SH3BGRL2: variants seen among roughly 807,000 people sequenced by gnomAD.
The protein encoded by SH3BGRL2 is SH3 domain-binding glutamic acid-rich-like protein 2.
In SH3BGRL2, 21 loss-of-function variants were observed where a neutral mutation model predicts 14.8. The ratio of observed to expected loss-of-function variants is 1.42; its 90% CI spans 1.01 to 2.05. SH3BGRL2 has a LOEUF of 2.05. Ranked by LOEUF, SH3BGRL2 falls within the 30% of genes most tolerant of loss-of-function variation. The pLI, the probability that SH3BGRL2 is intolerant of heterozygous loss-of-function variation, is 0.00. For missense variants in SH3BGRL2, 147 were observed against 130.8 expected (o/e 1.12, Z -0.61); for synonymous variants, 50 against 47.8 (o/e 1.05, Z -0.19).
the SH3BGRL2 span, among the ~76,000 whole-genome samples, chr6:79,624,277 CAT>C: frequency 6.7e-6 from 1 of 149,374 alleles, no homozygotes; most frequent in African/African-American, 2.4e-5. Context: ...TATAGTATAT[CAT>C]ATATATATCA....
At chr6:79,555,269 G>A in the SH3BGRL2 span, among the ~76,000 whole-genome samples, 2 of 152,068 alleles carry the variant, frequency 1.3e-5, no homozygotes, top group African/African-American at 4.8e-5. Context: ...AGCCAACATA[G>A]CAAAACTCCG....
chr6:79,662,927 C>T (rs939014817), intron 1 of SH3BGRL2, among the ~76,000 whole-genome samples: 1 of 152,188 alleles, frequency 6.6e-6, no homozygotes, highest in Admixed American at 6.5e-5. Flanking sequence ...CTTTCTTCCA[C>T]TTGATCAAAT....
chr6:79,564,223 A>G, the SH3BGRL2 span, among the ~76,000 whole-genome samples: 2 of 152,132 alleles, frequency 1.3e-5, no homozygotes, highest in African/African-American at 4.8e-5. Flanking sequence ...GGCAGTACCA[A>G]CTTTCCTGCT....
At position 79,699,640 on chromosome 6, in the gene SH3BGRL2, G is replaced by A; in HGVS notation, c.*131G>A. Reference sequence around the variant, plus strand: ...CAGTAACTTTGCTTGCCACGGAAAAGGTGTTTTTGAAAGATGTGGCTATAA... The same window carrying A: ...CAGTAACTTTGCTTGCCACGGAAAAAGTGTTTTTGAAAGATGTGGCTATAA... On this transcript the variant is annotated 3_prime_UTR_variant, in exon 4 of 4. Transcript: ENST00000369838. The A allele has an allele frequency of 7.9e-7, 1 of 1,258,826 alleles. No homozygotes were observed. The highest frequency in any genetic ancestry group is 1.1e-6 in the Non-Finnish European group (1 of 951,756). The allele number at this position is 1,258,826 out of a possible 1,614,324, so 78.0% of individuals were successfully genotyped here. A position where few individuals can be genotyped will look rare whatever the true frequency, so the allele number is the denominator to read the frequency against.
the SH3BGRL2 span, among the ~76,000 whole-genome samples, chr6:79,625,027 G>T: frequency 3.4e-4 from 51 of 152,060 alleles, no homozygotes; most frequent in African/African-American, 1.2e-3. Context: ...AAATAAATTA[G>T]CCAGGTGTGG....
chr6:79,680,560 C>T (rs1052515274), intron 2 of SH3BGRL2, among the ~76,000 whole-genome samples: 5 of 151,930 alleles, frequency 3.3e-5, no homozygotes, highest in African/African-American at 1.2e-4. Context: ...GTTTAGGGTC[C>T]GTTGATTTGC....
chr6:79,667,170 T>G lies in SH3BGRL2; in HGVS notation c.46-6444T>G, dbSNP rs572916908. On this transcript the variant is annotated intron_variant, in intron 1 of 3. Coordinates refer to ENST00000369838, the MANE Select transcript of SH3BGRL2 (RefSeq NM_031469.4). ...AACCAGCATAGGTTCAGAAGGACTCTGACACTGCTTCATAGTCACAAAGAA... is the reference window on the plus strand; with the variant it reads ...AACCAGCATAGGTTCAGAAGGACTCGGACACTGCTTCATAGTCACAAAGAA... Among the ~76,000 whole-genome samples the G allele has an allele frequency of 1.8e-3, 274 of 152,344 alleles. 1 individual carries two copies. The highest frequency in any genetic ancestry group is 6.2e-3 in the African/African-American group (258 of 41,586).
At chr6:79,672,011 C>A (rs189136607) in intron 1 of SH3BGRL2, among the ~76,000 whole-genome samples, 3 of 152,218 alleles carry the variant, frequency 2.0e-5, no homozygotes, top group Admixed American at 2.0e-4. Flanking sequence ...TTTTTCATGT[C>A]TTCTTTTTAA....
In SH3BGRL2 at chr6:79,699,666, T is replaced by A. The variant is rs1770413536; in HGVS notation, c.*157T>A. ...GTGTTTTTGAAAGATGTGGCTATAATGAGAATTGCATGATTGCTTTAAACC... is the reference window on the plus strand; with the variant it reads ...GTGTTTTTGAAAGATGTGGCTATAAAGAGAATTGCATGATTGCTTTAAACC... On this transcript the variant is annotated 3_prime_UTR_variant, in exon 4 of 4. Transcript: ENST00000369838. 1 of 1,054,732 alleles carries A rather than the reference T, an allele frequency of 9.5e-7. No individual in the cohort carries two copies. The highest frequency in any genetic ancestry group is 2.6e-5 in the Admixed American group (1 of 38,036). 65.3% of individuals were successfully genotyped at this position (1,054,732 alleles called of 1,614,324 possible). A position where few individuals can be genotyped will look rare whatever the true frequency, so the allele number is the denominator to read the frequency against.
the SH3BGRL2 span, among the ~76,000 whole-genome samples, chr6:79,559,637 G>A: frequency 3.9e-5 from 6 of 152,178 alleles, no homozygotes; most frequent in African/African-American, 1.4e-4. Context: ...ACATGATTGA[G>A]CAGACTGACA....
chr6:79,559,043 G>A, the SH3BGRL2 span, among the ~76,000 whole-genome samples: 624 of 152,300 alleles, frequency 4.1e-3, 2 homozygotes, highest in African/African-American at 0.014. Context: ...GTATAGTAAT[G>A]TGTATAAATT....
the SH3BGRL2 span, among the ~76,000 whole-genome samples, chr6:79,549,790 A>C: frequency 2.0e-5 from 3 of 152,238 alleles, no homozygotes; most frequent in Admixed American, 1.3e-4. Context: ...GTTAAAAAAT[A>C]AAATTGAAAT....
chr6:79,578,013 C>T, the SH3BGRL2 span, among the ~76,000 whole-genome samples: 1 of 152,242 alleles, frequency 6.6e-6, no homozygotes, highest in Admixed American at 6.5e-5. Flanking sequence ...GAGCCTTGCA[C>T]ACTGCTAGCG....
chr6:79,576,477 A>T, the SH3BGRL2 span, among the ~76,000 whole-genome samples: 2 of 152,176 alleles, frequency 1.3e-5, no homozygotes, highest in Non-Finnish European at 2.9e-5. Flanking sequence ...TAGCATTCGA[A>T]AGATAGTTTA....
At chr6:79,653,803 G>C (rs980224) in intron 1 of SH3BGRL2, among the ~76,000 whole-genome samples, 17,552 of 152,278 alleles carry the variant, frequency 0.12, 1,190 homozygotes, top group Non-Finnish European at 0.15. Flanking sequence ...AGGTTTTGGG[G>C]TGGAGAATGG....
At chr6:79,583,254 C>G in the SH3BGRL2 span, among the ~76,000 whole-genome samples, 1 of 152,174 alleles carries the variant, frequency 6.6e-6, no homozygotes, top group African/African-American at 2.4e-5. Flanking sequence ...GCTAGAATTA[C>G]CATTTGACCC....
chr6:79,651,242 G>A (rs1191358304), intron 1 of SH3BGRL2, among the ~76,000 whole-genome samples: 1 of 152,128 alleles, frequency 6.6e-6, no homozygotes, highest in Non-Finnish European at 1.5e-5. Context: ...GATTTTGACT[G>A]TTACAGCAAT....
At chr6:79,682,463 G>A (rs1264235458) in intron 2 of SH3BGRL2, among the ~76,000 whole-genome samples, 3 of 152,190 alleles carry the variant, frequency 2.0e-5, no homozygotes, top group Non-Finnish European at 4.4e-5. Context: ...CACTGCACTT[G>A]AGAACAACTG....
intron 2 of SH3BGRL2, among the ~76,000 whole-genome samples, chr6:79,687,887 G>A (rs1451988991): frequency 6.6e-6 from 1 of 152,134 alleles, no homozygotes; most frequent in Non-Finnish European, 1.5e-5. Context: ...AATAATGTGG[G>A]CCTTTCACTT....
Sources: gnomAD v4.1 joint callset for allele counts (sites outside exome capture counted in the v4.1 genomes callset) on GRCh38, gnomAD v4.1.1 for gene constraint, MANE v1.5 for transcripts, NCBI Gene and HGNC (gene_info 2026-07-23, HGNC 2026-07-21) for gene names.